The following RGS7 variants were observed in gnomAD, a reference collection of about 807,000 sequenced individuals.
The protein encoded by RGS7 is regulator of G protein signaling 7.
In RGS7, 27 loss-of-function variants were observed where a neutral mutation model predicts 81.1. The observed-to-expected ratio is 0.33, with a 90% CI of 0.25 to 0.46. The LOEUF (loss-of-function observed/expected upper bound fraction) is 0.46, where lower values mean the gene tolerates loss of function less well. Among genes scored for constraint, RGS7 ranks in the 20% least tolerant of loss-of-function variants. The pLI is 1.00. For missense variants in RGS7, 396 were observed against 607.4 expected (o/e 0.65, Z 3.66); for synonymous variants, 208 against 207.7 (o/e 1.00, Z -0.01).
At chr1:241,199,414 C>T (rs2073329518) in intron 2 of RGS7, among the ~76,000 whole-genome samples, 1 of 150,608 alleles carries the variant, frequency 6.6e-6, no homozygotes, top group Non-Finnish European at 1.5e-5. Context: ...CAGAGTGAGA[C>T]TGTCTCAAAA....
At chr1:241,066,967 T>C (rs1202515518) in intron 3 of RGS7, among the ~76,000 whole-genome samples, 5 of 152,212 alleles carry the variant, frequency 3.3e-5, no homozygotes, top group African/African-American at 1.2e-4. Flanking sequence ...TGAAATACAG[T>C]GTGCTCTACT....
intron 3 of RGS7, among the ~76,000 whole-genome samples, chr1:241,032,770 G>T (rs1396967727): frequency 6.6e-6 from 1 of 151,980 alleles, no homozygotes; most frequent in Non-Finnish European, 1.5e-5. Context: ...TTCTTCATGG[G>T]TTCTCAACTT....
At chr1:241,039,576 TTC>T (rs1491203188) in intron 3 of RGS7, among the ~76,000 whole-genome samples, 1 of 149,120 alleles carries the variant, frequency 6.7e-6, no homozygotes, top group African/African-American at 2.5e-5. Flanking sequence ...TTTTTTTTTT[TTC>T]CCCCTTGGCA....
chr1:240,793,611 A>ATATATATATATTTTTTTTTT, intron 18 of RGS7, among the ~76,000 whole-genome samples: 5 of 78,868 alleles, frequency 6.3e-5, no homozygotes, highest in South Asian at 4.2e-4. Flanking sequence ...ATATATATAT[A>ATATATATATATTTTTTTTTT]TTTTTTTTTT....
intron 2 of RGS7, among the ~76,000 whole-genome samples, chr1:241,338,801 T>C (rs1316731380): frequency 1.3e-5 from 2 of 151,820 alleles, no homozygotes; most frequent in African/African-American, 4.8e-5. Flanking sequence ...CCCTTCAATC[T>C]TGAGACTGTA....
At chr1:240,834,272 A>G (rs1694313773) in intron 9 of RGS7, among the ~76,000 whole-genome samples, 1 of 152,090 alleles carries the variant, frequency 6.6e-6, no homozygotes, top group South Asian at 2.1e-4. Context: ...ACTCTTCTCT[A>G]TAGTATTTAC....
intron 3 of RGS7, among the ~76,000 whole-genome samples, chr1:240,999,252 T>C (rs752045221): frequency 1.3e-4 from 20 of 150,994 alleles, no homozygotes; most frequent in Admixed American, 5.9e-4. Flanking sequence ...ATTATTATTA[T>C]TAAATAATTT....
At chr1:240,964,109 A>G (rs777306431) in intron 4 of RGS7, among the ~76,000 whole-genome samples, 5 of 152,220 alleles carry the variant, frequency 3.3e-5, no homozygotes, top group African/African-American at 9.7e-5. Flanking sequence ...ACAGCAAGAG[A>G]AGCAAGAATG....
At chr1:240,889,407 A>G (rs1667912177) in intron 6 of RGS7, among the ~76,000 whole-genome samples, 2 of 152,178 alleles carry the variant, frequency 1.3e-5, no homozygotes, top group African/African-American at 4.8e-5. Context: ...GGAATGGGAC[A>G]CCAGCAGCAG....
At position 240,868,997 on chromosome 1, in the gene RGS7, C is replaced by T. The variant is rs1204586238; in HGVS notation, c.451-145G>A. 1.4e-5 allele frequency: 11 copies of T among 760,144 alleles called. No individual in the cohort carries two copies. Among genetic ancestry groups the T allele is most frequent in the Non-Finnish European group, 2.3e-5 (10 of 429,794 alleles). 47.1% of individuals were successfully genotyped at this position (760,144 alleles called of 1,614,324 possible). A position where few individuals can be genotyped will look rare whatever the true frequency, so the allele number is the denominator to read the frequency against. ...CTGTGGTTCTCAATGATAAGTCATG[C>T]TCCCTGAATTCAGCTCATCTTCATA... On this transcript the variant is annotated intron_variant, in intron 7 of 18. Transcript: ENST00000440928. The surrounding 1 kb of genome is among the most constrained non-coding windows in gnomAD (Gnocchi z 5.1).
chr1:240,966,634 A>G (rs1682348642), intron 4 of RGS7, among the ~76,000 whole-genome samples: 1 of 152,176 alleles, frequency 6.6e-6, no homozygotes, highest in Admixed American at 6.5e-5. Flanking sequence ...AACCTGTAGA[A>G]CATTTTCCTG....
At chr1:240,912,320 A>C (rs1204654610) in intron 6 of RGS7, among the ~76,000 whole-genome samples, 2 of 152,172 alleles carry the variant, frequency 1.3e-5, no homozygotes, top group Non-Finnish European at 2.9e-5. Flanking sequence ...CAAAAAGTAC[A>C]AGCCACCAGA....
intron 2 of RGS7, among the ~76,000 whole-genome samples, chr1:241,187,146 A>C (rs1307616245): frequency 6.6e-6 from 1 of 152,138 alleles, no homozygotes; most frequent in African/African-American, 2.4e-5. Flanking sequence ...TTTTTTTTTA[A>C]AGAAGGCAAA....
chr1:241,236,449 C>A (rs2075982204), intron 2 of RGS7, among the ~76,000 whole-genome samples: 1 of 152,104 alleles, frequency 6.6e-6, no homozygotes, highest in African/African-American at 2.4e-5. Flanking sequence ...TAACACCCTG[C>A]AGCTTGACCC....
intron 18 of RGS7, among the ~76,000 whole-genome samples, chr1:240,785,485 A>G (rs1232929588): frequency 4.6e-5 from 7 of 152,204 alleles, no homozygotes; most frequent in African/African-American, 1.7e-4. Context: ...TGATGAAGTG[A>G]TAACGGACAG....
At chr1:240,925,922 C>CT (rs1488384294) in intron 6 of RGS7, among the ~76,000 whole-genome samples, 3 of 152,046 alleles carry the variant, frequency 2.0e-5, no homozygotes, top group Non-Finnish European at 4.4e-5. Flanking sequence ...GCTTGTATGT[C>CT]TTTTTTTGAG....
chr1:240,965,763 G>C (rs1029979453), intron 4 of RGS7, among the ~76,000 whole-genome samples: 3 of 152,164 alleles, frequency 2.0e-5, no homozygotes, highest in African/African-American at 7.2e-5. Flanking sequence ...CTCTAAGCTG[G>C]ACAGACAAGA....
At chr1:240,949,847 C>CAAAAA (rs57421740) in intron 4 of RGS7, among the ~76,000 whole-genome samples, 8 of 91,902 alleles carry the variant, frequency 8.7e-5, no homozygotes, top group Admixed American at 1.4e-4. Flanking sequence ...GACTCTGACT[C>CAAAAA]AAAAAAAAAA....
chr1:241,279,554 A>G (rs1053186802), intron 2 of RGS7, among the ~76,000 whole-genome samples: 1 of 152,246 alleles, frequency 6.6e-6, no homozygotes, highest in Non-Finnish European at 1.5e-5. Flanking sequence ...ATACAGAGGG[A>G]GCATTTGTAC....
Sources: gnomAD v4.1 joint callset for allele counts (sites outside exome capture counted in the v4.1 genomes callset) on GRCh38, gnomAD v4.1.1 for gene constraint, Gnocchi (gnomAD v3.1) non-coding constraint, MANE v1.5 for transcripts, NCBI Gene and HGNC (gene_info 2026-07-23, HGNC 2026-07-21) for gene names.